HOXB6: variants seen among roughly 807,000 people sequenced by gnomAD.
HOXB6 encodes homeobox B6.
HOXB6 carries 18 observed loss-of-function variants against 24.2 expected under a neutral mutation model. That is an observed-to-expected ratio of 0.74 (90% CI 0.51 to 1.10). HOXB6 has a LOEUF of 1.10. Among genes scored for constraint, HOXB6 ranks in the 50% least tolerant of loss-of-function variants. The pLI is 0.00. For missense variants in HOXB6, 332 were observed against 308.3 expected (o/e 1.08, Z -0.58); for synonymous variants, 159 against 139.1 (o/e 1.14, Z -1.01).
intron 2 of HOXB6, among the ~76,000 whole-genome samples, chr17:48,599,385 C>G (rs1457757985): frequency 6.6e-6 from 1 of 152,226 alleles, no homozygotes; most frequent in African/African-American, 2.4e-5. Context: ...TGCATCCTCA[C>G]TCCTCTTCTA....
Position 48,601,241 on chromosome 17 carries a change from G to A in HOXB6, c.-78-3013C>T, listed in dbSNP as rs146606929. 9.2e-5 allele frequency among the ~76,000 whole-genome samples: 14 copies of A among 152,176 alleles called. No individual in the cohort carries two copies. In the East Asian group the frequency reaches 2.7e-3, roughly 29 times the overall value. ...GGGAACATAAATAAATGTTCCCAGG[G>A]GTACTGAGTGATCACTCCCATAGGT... On this transcript the variant is annotated intron_variant, in intron 2 of 3. Coordinates refer to ENST00000225648, the MANE Select transcript of HOXB6 (RefSeq NM_018952.5).
intron 2 of HOXB6, chr17:48,604,196 C>T (rs998091951): frequency 2.0e-5 from 3 of 152,320 alleles, no homozygotes; most frequent in Non-Finnish European, 4.4e-5. Context: ...TTCGCACCCC[C>T]CTTGCTTGAG....
intron 2 of HOXB6, among the ~76,000 whole-genome samples, chr17:48,600,088 T>G (rs1268182343): frequency 6.6e-6 from 1 of 152,092 alleles, no homozygotes; most frequent in East Asian, 1.9e-4. Context: ...TGATAAGCAT[T>G]TAAGAAAACA....
chr17:48,601,545 GGGCT>G (rs1292317444), intron 2 of HOXB6: 1 of 153,144 alleles, frequency 6.5e-6, no homozygotes, highest in Non-Finnish European at 1.5e-5. Flanking sequence ...GGACCTTCTA[GGGCT>G]GGCTCCCTCA....
chr17:48,602,678 CG>C (rs2070497676), intron 2 of HOXB6, among the ~76,000 whole-genome samples: 1 of 152,184 alleles, frequency 6.6e-6, no homozygotes, highest in African/African-American at 2.4e-5. Flanking sequence ...CCTGCGAGGC[CG>C]GGGCTCCAGG....
At position 48,598,061 on chromosome 17, in the gene HOXB6, C is replaced by T. The variant is rs374252992; in HGVS notation, c.90G>A (p.Ser30=). 4.4e-5 allele frequency: 71 copies of T among 1,604,270 alleles called. No individual in the cohort carries two copies. The South Asian group carries it at 6.9e-4, about 16-fold the overall frequency. ...AATGTCTCAGCGGGTCCGCATAGCCCGACGAATAGAGCGGTAGCTGGCCCA... is the reference window on the plus strand; with the variant it reads ...AATGTCTCAGCGGGTCCGCATAGCCTGACGAATAGAGCGGTAGCTGGCCCA... ...SFLGQLPLYS[S]GYADPLRHYP... Residue 30 remains serine (S), a synonymous_variant, in exon 3 of 4, where the codon TCG becomes TCA. Transcript: ENST00000225648.
In HOXB6 at chr17:48,598,180, G is replaced by C. The variant is rs776833019; in HGVS notation, c.-30C>G. The C allele has an allele frequency of 1.3e-6, 2 of 1,543,850 alleles. No individual in the cohort carries two copies. The highest frequency in any genetic ancestry group is 1.8e-6 in the Non-Finnish European group (2 of 1,142,608). ...AGGGGAGGCGCGCGCGGCCGCTGCTGCTCCGCCGGGTTTATGATTTGTTGT... is the reference window on the plus strand; with the variant it reads ...AGGGGAGGCGCGCGCGGCCGCTGCTCCTCCGCCGGGTTTATGATTTGTTGT... On this transcript the variant is annotated 5_prime_UTR_variant, in exon 3 of 4. Transcript: ENST00000225648.
intron 2 of HOXB6, among the ~76,000 whole-genome samples, chr17:48,599,566 G>T (rs935052098): frequency 2.0e-5 from 3 of 152,142 alleles, no homozygotes; most frequent in African/African-American, 7.2e-5. Context: ...TCTCAGCATC[G>T]CTACAATTCC....
rs545262492 is a variant in HOXB6 at position 48,596,947 on chromosome 17, C to G, written c.416-275G>C. On this transcript the variant is annotated intron_variant, in intron 3 of 3. Transcript: ENST00000225648. The surrounding 1 kb of genome is among the most constrained non-coding windows in gnomAD (Gnocchi z 4.8). ...GAGGGGCTGGTCAGGTGTGTCTCTT[C>G]CTAGTTGCATCTTGTCTTTCCCTCC... 1 of 1,352,318 alleles carries G rather than the reference C, an allele frequency of 7.4e-7. No individual in the cohort carries two copies. The highest frequency in any genetic ancestry group is 3.0e-5 in the East Asian group (1 of 33,308). 83.8% of individuals were successfully genotyped at this position (1,352,318 alleles called of 1,614,324 possible).
intron 3 of HOXB6, 52 bp downstream of exon 3, chr17:48,597,684 G>C (rs775414840): frequency 1.3e-6 from 2 of 1,577,412 alleles, no homozygotes; most frequent in African/African-American, 1.4e-5. Flanking sequence ...TCTGTGTCCC[G>C]GGGTGGGCGC....
intron 2 of HOXB6, among the ~76,000 whole-genome samples, chr17:48,602,993 G>A (rs2070505751): frequency 6.6e-6 from 1 of 152,222 alleles, no homozygotes; most frequent in African/African-American, 2.4e-5. Context: ...TGGGGCCACA[G>A]AGCCGCCTCT....
intron 2 of HOXB6, chr17:48,601,586 G>A (rs1173172778): frequency 2.6e-5 from 4 of 155,280 alleles, no homozygotes; most frequent in South Asian, 2.0e-4. Context: ...AGCTCCTTGA[G>A]TCGGGCCTTA....
chr17:48,597,664 G>T, intron 3 of HOXB6, 72 bp downstream of exon 3: 1 of 1,494,038 alleles, frequency 6.7e-7, no homozygotes, highest in Non-Finnish European at 9.2e-7. Context: ...GGCAGGGGGC[G>T]CTCACTAGTT....
chr17:48,596,625 G>C lies in HOXB6; in HGVS notation c.463C>G (p.Arg155Gly). The change falls in exon 4 of 4, where the codon CGT becomes GGT. Residue 155 changes from arginine to glycine, a missense_variant. Physicochemically the swap from Arg to Gly is moderately radical, Grantham distance 125. Coordinates refer to ENST00000225648, the MANE Select transcript of HOXB6 (RefSeq NM_018952.5). This position sits in a 1 kb window ranked among gnomAD's most constrained non-coding sequence, Gnocchi z 4.8. ...SGRRGRQTYT[R>G]YQTLELEKEF... ...TTCTCCAGCTCCAGCGTCTGGTAAC[G>C]TGTGTATGTCTGGCGGCCTCGCCGG... is the stretch of plus-strand genomic sequence containing the variant. 6.2e-7 allele frequency: 1 copy of C among 1,614,106 alleles called. No homozygotes were observed. Among genetic ancestry groups the C allele is most frequent in the Non-Finnish European group, 8.5e-7 (1 of 1,180,048 alleles).
chr17:48,601,744 C>A (rs1957833247), intron 2 of HOXB6: 1 of 206,468 alleles, frequency 4.8e-6, no homozygotes, highest in Non-Finnish European at 1.0e-5. Flanking sequence ...CTCGGCCAGA[C>A]TCTGGCAACA....
chr17:48,596,396 C>CT lies in HOXB6; in HGVS notation c.*16dup, dbSNP rs757460279. On this transcript the variant is annotated 3_prime_UTR_variant, in exon 4 of 4. Transcript: ENST00000225648. This position sits in a 1 kb window ranked among gnomAD's most constrained non-coding sequence, Gnocchi z 4.8. ...ACAGGCCTTTCCCCTCGCGTCCTCC[C>CT]TCCCTTTCCAGCACCTTCACTCGGC... is the stretch of plus-strand genomic sequence containing the variant. The CT allele has an allele frequency of 6.2e-7, 1 of 1,614,236 alleles. No individual in the cohort carries two copies. Among genetic ancestry groups the CT allele is most frequent in the East Asian group, 2.2e-5 (1 of 44,884 alleles).
Position 48,598,088 on chromosome 17 carries a change from G to T in HOXB6, c.63C>A (p.Phe21Leu), listed in dbSNP as rs145027311. The T allele has an allele frequency of 1.3e-4, 216 of 1,604,808 alleles. 2 individuals are homozygous for T. In the African/African-American group the frequency reaches 2.2e-3, roughly 16 times the overall value. The change falls in exon 3 of 4, where the codon TTC (phenylalanine) becomes TTA (leucine). Residue 21 changes from phenylalanine (F) to leucine (L), a missense_variant. Coordinates refer to ENST00000225648, the MANE Select transcript of HOXB6 (RefSeq NM_018952.5). ...ACGAATAGAGCGGTAGCTGGCCCAG[G>T]AAGGACTCCTGCCCGCTGGCCAGAG... ...PVTLASGQES[F>L]LGQLPLYSSG... is the part of the protein sequence containing the mutation.
chr17:48,597,806 G>A lies in HOXB6; in HGVS notation c.345C>T (p.Phe115=), dbSNP rs2070347816. The A allele has an allele frequency of 3.1e-6, 5 of 1,609,824 alleles. No individual in the cohort carries two copies. The highest frequency in any genetic ancestry group is 1.1e-5 in the South Asian group (1 of 90,236). ...KSDCAQDKSV[F]GETEEQKCST... is the part of the protein sequence containing the mutation. ...AGCACTTCTGCTCTTCTGTCTCGCC[G>A]AACACGCTCTTGTCCTGCGCGCAGT... Residue 115 remains phenylalanine, a synonymous_variant, in exon 3 of 4, where the codon TTC becomes TTT. Coordinates refer to ENST00000225648, the MANE Select transcript of HOXB6 (RefSeq NM_018952.5).
At chr17:48,600,118 TGAA>T (rs139884861) in intron 2 of HOXB6, among the ~76,000 whole-genome samples, 1,867 of 152,200 alleles carry the variant, frequency 0.012, 56 homozygotes, top group African/African-American at 0.043. Context: ...CCCCTGATAA[TGAA>T]GAAGGATAAA....
Sources: allele counts gnomAD v4.1 joint callset (sites outside exome capture counted in the v4.1 genomes callset), GRCh38; gene constraint gnomAD v4.1.1; non-coding constraint Gnocchi (gnomAD v3.1); transcripts MANE v1.5; gene names NCBI Gene and HGNC (gene_info 2026-07-23, HGNC 2026-07-21).